Variants in MEIS1 observed in about 807,000 individuals in gnomAD.
The protein encoded by MEIS1 is homeobox protein Meis1.
MEIS1 carries 5 observed loss-of-function variants against 50.8 expected under a neutral mutation model. The ratio of observed to expected loss-of-function variants is 0.10; its 90% confidence interval spans 0.05 to 0.21. The LOEUF (loss-of-function observed/expected upper bound fraction) is 0.21. Ranked by LOEUF, MEIS1 falls within the 10% of genes least tolerant of loss-of-function variation. The pLI is 1.00. For synonymous variants in MEIS1, 176 were observed against 179.3 expected, an observed-to-expected ratio of 0.98 and a Z score of 0.15; for missense variants, 318 against 517.3, an observed-to-expected ratio of 0.61 and a Z score of 3.74.
At chr2:66,497,636 T>C (rs1483322210) in intron 7 of MEIS1, among the ~76,000 whole-genome samples, 2 of 152,216 alleles carry the variant, frequency 1.3e-5, no homozygotes. Context: ...GGCTCATGCC[T>C]GTAATTCCAG....
intron 7 of MEIS1, among the ~76,000 whole-genome samples, chr2:66,483,557 G>C (rs1416014487): frequency 1.3e-5 from 2 of 152,182 alleles, no homozygotes; most frequent in Non-Finnish European, 2.9e-5. Flanking sequence ...CCCTTCCACT[G>C]TCCATCACTC....
intron 7 of MEIS1, among the ~76,000 whole-genome samples, chr2:66,465,317 C>T (rs555926625): frequency 1.6e-4 from 25 of 152,302 alleles, no homozygotes; most frequent in African/African-American, 6.0e-4. Context: ...AAGTTGCTGA[C>T]TTCATCACAA....
chr2:66,467,933 A>G (rs1248533013), intron 7 of MEIS1, among the ~76,000 whole-genome samples: 1 of 152,208 alleles, frequency 6.6e-6, no homozygotes, highest in Non-Finnish European at 1.5e-5. Flanking sequence ...TTTACTCCAT[A>G]ACTTCCTCAA....
chr2:66,438,669 C>A (rs1357838522), intron 2 of MEIS1, among the ~76,000 whole-genome samples: 1 of 152,196 alleles, frequency 6.6e-6, no homozygotes, highest in Non-Finnish European at 1.5e-5. Context: ...ATACTGCTTT[C>A]TCCTCCGCCA....
intron 7 of MEIS1, among the ~76,000 whole-genome samples, chr2:66,466,382 A>G (rs1225200655): frequency 6.6e-6 from 1 of 152,188 alleles, no homozygotes; most frequent in African/African-American, 2.4e-5. Context: ...TGGGAGCCCC[A>G]CCTTCAGTCT....
At chr2:66,442,812 G>T in intron 5 of MEIS1, 90 bp from the exon 6 acceptor site, 1 of 1,257,132 alleles carries the variant, frequency 8.0e-7, no homozygotes, top group Non-Finnish European at 1.1e-6. Flanking sequence ...TTGGAAGTTT[G>T]GATCTCACAA....
At chr2:66,568,443 C>T (rs1245679838) in intron 10 of MEIS1, 1 of 426,380 alleles carries the variant, frequency 2.3e-6, no homozygotes, top group Non-Finnish European at 4.3e-6. Context: ...CAGAAAGTTT[C>T]CACACCTTAA....
intron 9 of MEIS1, among the ~76,000 whole-genome samples, chr2:66,553,988 T>C (rs775967279): frequency 4.6e-5 from 7 of 152,190 alleles, no homozygotes; most frequent in Non-Finnish European, 7.3e-5. Context: ...AGTCCAAATA[T>C]GGTTTTGTGT....
At chr2:66,531,515 C>G (rs1674389193) in intron 8 of MEIS1, among the ~76,000 whole-genome samples, 1 of 152,216 alleles carries the variant, frequency 6.6e-6, no homozygotes, top group Non-Finnish European at 1.5e-5. Flanking sequence ...CTATTCAGTA[C>G]TGTAAGGCAA....
chr2:66,474,513 G>A (rs1672843967), intron 7 of MEIS1, among the ~76,000 whole-genome samples: 1 of 152,078 alleles, frequency 6.6e-6, no homozygotes, highest in Non-Finnish European at 1.5e-5. Context: ...AGAGGCTTTG[G>A]CTGTTGGCCT....
chr2:66,475,137 C>T (rs1457188683), intron 7 of MEIS1, among the ~76,000 whole-genome samples: 3 of 144,248 alleles, frequency 2.1e-5, no homozygotes, highest in African/African-American at 7.6e-5. Context: ...TATATATACA[C>T]ATATATATAT....
intron 8 of MEIS1, among the ~76,000 whole-genome samples, chr2:66,540,580 G>C (rs866485695): frequency 6.6e-6 from 1 of 152,198 alleles, no homozygotes; most frequent in African/African-American, 2.4e-5. Context: ...TTATAGGTGT[G>C]AGCCACTGCT....
chr2:66,487,955 G>A (rs1245575045), intron 7 of MEIS1, among the ~76,000 whole-genome samples: 1 of 152,168 alleles, frequency 6.6e-6, no homozygotes, highest in Non-Finnish European at 1.5e-5. Context: ...CTAGGACTTA[G>A]CGTCAGTAAT....
intron 9 of MEIS1, among the ~76,000 whole-genome samples, chr2:66,560,352 G>A (rs1287226554): frequency 3.3e-5 from 5 of 151,776 alleles, no homozygotes; most frequent in African/African-American, 4.8e-5. Context: ...TTGGGAGGCC[G>A]AGGAGGTTGG....
intron 8 of MEIS1, among the ~76,000 whole-genome samples, chr2:66,534,359 C>T (rs1353746571): frequency 2.6e-5 from 4 of 152,036 alleles, no homozygotes; most frequent in Non-Finnish European, 5.9e-5. Context: ...CATGGTGAAA[C>T]CCCGTCTCTA....
At chr2:66,521,851 C>G (rs188197155) in intron 8 of MEIS1, among the ~76,000 whole-genome samples, 3 of 152,266 alleles carry the variant, frequency 2.0e-5, no homozygotes, top group East Asian at 1.9e-4. Flanking sequence ...TACCTGACCC[C>G]GCTGGCTCCT....
intron 2 of MEIS1, chr2:66,439,255 G>C (rs903364214): frequency 1.9e-6 from 2 of 1,044,182 alleles, no homozygotes; most frequent in Non-Finnish European, 2.3e-6. Flanking sequence ...GGGAATGTGC[G>C]TGGAGCTGAG....
intron 7 of MEIS1, among the ~76,000 whole-genome samples, chr2:66,510,957 C>T (rs1673814331): frequency 6.6e-6 from 1 of 151,974 alleles, no homozygotes; most frequent in Non-Finnish European, 1.5e-5. Context: ...TTCTTTGGGT[C>T]GTGTAGTTGG....
chr2:66,472,419 G>A (rs1197696475), intron 7 of MEIS1, among the ~76,000 whole-genome samples: 1 of 152,202 alleles, frequency 6.6e-6, no homozygotes, highest in Admixed American at 6.5e-5. Flanking sequence ...ATACATTCTA[G>A]TCAAGTCATC....
Sources: allele counts gnomAD v4.1 joint callset (sites outside exome capture counted in the v4.1 genomes callset), GRCh38; gene constraint gnomAD v4.1.1; transcripts MANE v1.5; gene names NCBI Gene and HGNC (gene_info 2026-07-23, HGNC 2026-07-21).